The following AP5M1 variants were observed in gnomAD, a reference collection of about 807,000 sequenced individuals.
AP5M1 encodes the protein adaptor related protein complex 5 subunit mu 1, also known as AP-5 complex subunit mu-1.
Under a neutral mutation model 52.3 loss-of-function variants are expected in AP5M1, and 44 were observed. That is an observed-to-expected ratio of 0.84 (90% confidence interval 0.66 to 1.08). The LOEUF (loss-of-function observed/expected upper bound fraction) is 1.08, where lower values mean the gene tolerates loss of function less well. Among genes scored for constraint, AP5M1 ranks in the 50% least tolerant of loss-of-function variants. The pLI, the probability that AP5M1 is intolerant of heterozygous loss-of-function variation, is 0.00. For synonymous variants in AP5M1, 213 were observed against 199.0 expected, an observed-to-expected ratio of 1.07 and a Z score of -0.59; for missense variants, 526 against 568.4, an observed-to-expected ratio of 0.93 and a Z score of 0.76.
At chr14:57,276,584 G>T (rs182557316) in intron 2 of AP5M1, among the ~76,000 whole-genome samples, 3 of 144,524 alleles carry the variant, frequency 2.1e-5, no homozygotes. Context: ...TAAAAAAAAA[G>T]AAAATAGGAA....
Position 57,273,897 on chromosome 14 carries a change from A to C in AP5M1, c.75-347A>C. 8.3e-6 allele frequency: 5 copies of C among 601,338 alleles called. No individual in the cohort carries two copies. In the South Asian group the frequency reaches 8.6e-5, roughly 10 times the overall value. The allele number at this position is 601,338 out of a possible 1,614,324, so 37.3% of individuals were successfully genotyped here. On this transcript the variant is annotated intron_variant, in intron 1 of 7. Transcript: ENST00000261558. ...GAAAAAAAATTCTTATAGATGCCTA[A>C]AACGGTTCAAGTATATACTCCTTGC...
At chr14:57,286,180 C>G in intron 6 of AP5M1, 43 bp from the exon 7 acceptor site, 1 of 1,307,874 alleles carries the variant, frequency 7.6e-7, no homozygotes. Context: ...TGCTTTTTAC[C>G]AAATAATCAC....
chr14:57,281,043 G>A (rs966272046), intron 3 of AP5M1, among the ~76,000 whole-genome samples: 3 of 151,824 alleles, frequency 2.0e-5, no homozygotes, highest in Admixed American at 6.6e-5. Flanking sequence ...ACCCCTCATC[G>A]CAGGCAACCT....
chr14:57,273,019 G>A (rs1382406007), intron 1 of AP5M1, among the ~76,000 whole-genome samples: 3 of 151,816 alleles, frequency 2.0e-5, no homozygotes, highest in African/African-American at 7.3e-5. Context: ...TCGGCTCATT[G>A]CAACCTCCAC....
chr14:57,271,873 T>C (rs1183400287), intron 1 of AP5M1, among the ~76,000 whole-genome samples: 1 of 152,174 alleles, frequency 6.6e-6, no homozygotes, highest in African/African-American at 2.4e-5. Context: ...GTAGTGTGGG[T>C]CAGTTTTTCT....
intron 7 of AP5M1, 38 bp from the exon 8 acceptor site, chr14:57,288,764 A>T: frequency 7.5e-7 from 1 of 1,331,550 alleles, no homozygotes; most frequent in Non-Finnish European, 1.1e-6. Flanking sequence ...ATTTTTGCTG[A>T]AATAGTCTTA....
chr14:57,283,277 T>C (rs1885229431), intron 6 of AP5M1, 47 bp downstream of exon 6: 1 of 1,094,530 alleles, frequency 9.1e-7, no homozygotes, highest in African/African-American at 1.6e-5. Context: ...TTCCTTTGTT[T>C]ATAAATTGCA....
At chr14:57,280,146 G>A in intron 2 of AP5M1, 49 bp from the exon 3 acceptor site, 1 of 1,387,386 alleles carries the variant, frequency 7.2e-7, no homozygotes, top group Non-Finnish European at 1.0e-6. Flanking sequence ...GCCTCAAACA[G>A]ACATTTGCTT....
At chr14:57,280,522 A>G in intron 3 of AP5M1, 100 bp downstream of exon 3, 1 of 821,700 alleles carries the variant, frequency 1.2e-6, no homozygotes. Flanking sequence ...ACTTAGAAAA[A>G]GTTCTATTTA....
intron 6 of AP5M1, among the ~76,000 whole-genome samples, chr14:57,285,557 A>T (rs892078969): frequency 2.0e-5 from 3 of 152,174 alleles, no homozygotes; most frequent in Non-Finnish European, 4.4e-5. Context: ...AAAATTGCTG[A>T]GAAGATCTGA....
chr14:57,273,924 G>C (rs924056861), intron 1 of AP5M1, among the ~76,000 whole-genome samples: 10 of 152,148 alleles, frequency 6.6e-5, no homozygotes, highest in African/African-American at 2.4e-4. Context: ...ACTCCTTGCT[G>C]ACCAAGATGG....
chr14:57,270,419 A>C (rs1030326684), intron 1 of AP5M1, among the ~76,000 whole-genome samples: 1 of 152,204 alleles, frequency 6.6e-6, no homozygotes, highest in Non-Finnish European at 1.5e-5. Flanking sequence ...ATAGTGAAGT[A>C]GTACCATAGT....
chr14:57,283,165 G>A lies in AP5M1; in HGVS notation c.1228G>A (p.Gly410Arg), dbSNP rs749334806. The part of the protein sequence containing the change: ...EISLSGTVTF[G>R]AKSHEKQPFD... ...TAGTCTTTCTGGAACTGTAACTTTT[G>A]GAGCCAAGAGCCATGAGAAGCAGCC... The change falls in exon 6 of 8, where the codon GGA becomes AGA. Residue 410 changes from glycine to arginine, a missense_variant. Gly to Arg is a moderately radical substitution (Grantham distance 125). Transcript: ENST00000261558. The A allele has an allele frequency of 2.7e-5, 44 of 1,613,580 alleles. No homozygotes were observed. The highest frequency in any genetic ancestry group is 3.6e-5 in the Non-Finnish European group (43 of 1,179,910).
At chr14:57,280,532 A>G (rs937798267) in intron 3 of AP5M1, 110 bp downstream of exon 3, 1 of 757,264 alleles carries the variant, frequency 1.3e-6, no homozygotes, top group Non-Finnish European at 2.2e-6. Flanking sequence ...AGTTCTATTT[A>G]TCAGACAATA....
In AP5M1 at chr14:57,293,497, T is replaced by G. The variant is rs1885482970; in HGVS notation, c.*4613T>G. 1 of 151,738 alleles carries G rather than the reference T, an allele frequency of 6.6e-6. No homozygotes were observed. Among genetic ancestry groups the G allele is most frequent in the African/African-American group, 2.4e-5 (1 of 41,380 alleles). The allele number at this position is 151,738 out of a possible 1,614,324, so 9.4% of individuals were successfully genotyped here. ...AAGCCAGCCTCCTCTAGTTTCAATTTAATAACTAGTTTCAAAATATATTTT... is the reference window on the plus strand; with the variant it reads ...AAGCCAGCCTCCTCTAGTTTCAATTGAATAACTAGTTTCAAAATATATTTT... On this transcript the variant is annotated 3_prime_UTR_variant, in exon 8 of 8. Transcript: ENST00000261558.
Position 57,274,524 on chromosome 14 carries a change from C to T in AP5M1, c.355C>T (p.Arg119Cys), listed in dbSNP as rs200835725. The T allele has an allele frequency of 2.1e-5, 34 of 1,614,028 alleles. No homozygotes were observed. Among genetic ancestry groups the T allele is most frequent in the African/African-American group, 6.7e-5 (5 of 74,908 alleles). Residue 119 changes from arginine (R) to cysteine (C), a missense_variant, in exon 2 of 8, where the codon CGT (arginine) becomes TGT (cysteine). Transcript: ENST00000261558. ...ACTAGTTGAACAAACTCTGTCCCCT[C>T]GTCCGCCACTAATTAGTGTCAGTGG... ...VPLVEQTLSPRPPLISVSGVS... is the reference protein window; with the variant it reads ...VPLVEQTLSPCPPLISVSGVS...
At chr14:57,278,844 AAAAC>A (rs1196507906) in intron 2 of AP5M1, among the ~76,000 whole-genome samples, 1 of 152,168 alleles carries the variant, frequency 6.6e-6, no homozygotes, top group African/African-American at 2.4e-5. Flanking sequence ...TAGATGAAGA[AAAAC>A]AACCCCATTA....
rs1885538724 is a variant in AP5M1, at chr14:57,295,754, TG to T, written c.*6873del. The T allele has an allele frequency of 6.6e-6, 1 of 151,828 alleles. No homozygotes were observed. The highest frequency in any genetic ancestry group is 2.1e-4 in the South Asian group (1 of 4,818). 9.4% of individuals were successfully genotyped at this position (151,828 alleles called of 1,614,324 possible). ...AAAGAAACTCATTTATTTATTTATT[TG>T]GGTATACCTTCCAGTTACTTCCAGA... On this transcript the variant is annotated 3_prime_UTR_variant, in exon 8 of 8. Transcript: ENST00000261558.
At chr14:57,279,369 G>A (rs1339540070) in intron 2 of AP5M1, among the ~76,000 whole-genome samples, 2 of 152,186 alleles carry the variant, frequency 1.3e-5, no homozygotes, top group Non-Finnish European at 2.9e-5. Context: ...ATGAGATCAT[G>A]TCCTTTGCAT....
Sources: gnomAD v4.1 joint callset for allele counts (sites outside exome capture counted in the v4.1 genomes callset) on GRCh38, gnomAD v4.1.1 for gene constraint, MANE v1.5 for transcripts, NCBI Gene and HGNC (gene_info 2026-07-23, HGNC 2026-07-21) for gene names.